The following PTPRD variants were observed in gnomAD, a reference collection of about 807,000 sequenced individuals.
PTPRD encodes receptor-type tyrosine-protein phosphatase delta.
PTPRD carries 34 observed loss-of-function variants against 214.5 expected under a neutral mutation model. That is an observed-to-expected ratio of 0.16 (90% CI 0.12 to 0.21). The LOEUF (loss-of-function observed/expected upper bound fraction) is 0.21. PTPRD is among the 10% of genes least tolerant of loss of function. The pLI, the probability that PTPRD is intolerant of heterozygous loss-of-function variation, is 1.00. For missense variants in PTPRD, 2,545 were observed against 2,398.7 expected (o/e 1.06, Z -1.27); for synonymous variants, 1,128 against 845.7 (o/e 1.33, Z -5.79).
At chr9:9,440,466 G>A (rs993544679) in intron 8 of PTPRD, among the ~76,000 whole-genome samples, 4 of 152,152 alleles carry the variant, frequency 2.6e-5, no homozygotes, top group Non-Finnish European at 4.4e-5. Flanking sequence ...TACAAAGAGG[G>A]TGTCTAGGAG....
intron 7 of PTPRD, among the ~76,000 whole-genome samples, chr9:9,723,175 T>C (rs1333377972): frequency 6.6e-6 from 1 of 152,084 alleles, no homozygotes; most frequent in African/African-American, 2.4e-5. Flanking sequence ...AGGCCTGTGA[T>C]CTATTTTGAG....
rs1564421899 is a variant in PTPRD, at chr9:10,190,409, AAAAAAAAAAAAC to A, written c.-545+150542_-545+150553del. On this transcript the variant is annotated intron_variant, in intron 3 of 45. Transcript: ENST00000381196. ...CAGAAAAAAAAAAAAAAAAAAAAAA[AAAAAAAAAAAAC>A]AAAAAGTCAAAGTGGGCCAGGCGCT... is the stretch of plus-strand genomic sequence containing the variant. 3.2e-4 allele frequency among the ~76,000 whole-genome samples: 31 copies of A among 95,588 alleles called. 3 individuals are homozygous for A. Among genetic ancestry groups the A allele is most frequent in the African/African-American group, 1.3e-3 (24 of 17,778 alleles). The allele number at this position is 95,588 out of a possible 152,430, so 62.7% of individuals were successfully genotyped here. A position where few individuals can be genotyped will look rare whatever the true frequency, so the allele number is the denominator to read the frequency against.
At chr9:9,141,386 A>C (rs2154481049) in intron 10 of PTPRD, among the ~76,000 whole-genome samples, 1 of 152,094 alleles carries the variant, frequency 6.6e-6, no homozygotes, top group Middle Eastern at 3.4e-3. Flanking sequence ...AATGCAGTGA[A>C]ATTGTTGGGT....
chr9:10,584,182 C>CAA (rs5896405), intron 2 of PTPRD, among the ~76,000 whole-genome samples: 6 of 124,298 alleles, frequency 4.8e-5, no homozygotes, highest in African/African-American at 1.2e-4. Context: ...ATGACAATTA[C>CAA]AAAAAAAAAA....
At chr9:10,281,643 G>A (rs567932331) in intron 3 of PTPRD, among the ~76,000 whole-genome samples, 39 of 152,162 alleles carry the variant, frequency 2.6e-4, no homozygotes, top group African/African-American at 8.7e-4. Context: ...GACTGAGCTA[G>A]TAATAGACCA....
At chr9:9,690,225 T>C (rs7873837) in intron 7 of PTPRD, among the ~76,000 whole-genome samples, 60,329 of 151,660 alleles carry the variant, frequency 0.4, 12,172 homozygotes, top group Admixed American at 0.51. Flanking sequence ...GATTTGTATT[T>C]CTCTGATGAT....
At chr9:8,529,579 C>T (rs2075143396) in intron 14 of PTPRD, among the ~76,000 whole-genome samples, 1 of 152,120 alleles carries the variant, frequency 6.6e-6, no homozygotes, top group Non-Finnish European at 1.5e-5. Context: ...GCAAAATTCA[C>T]TTTTTGCTAC....
intron 11 of PTPRD, among the ~76,000 whole-genome samples, chr9:8,892,364 G>A (rs1389349690): frequency 3.9e-5 from 6 of 152,052 alleles, no homozygotes; most frequent in Non-Finnish European, 7.4e-5. Context: ...GTTAGAACTG[G>A]AAGGGACTCC....
intron 2 of PTPRD, among the ~76,000 whole-genome samples, chr9:10,525,616 C>A (rs556993717): frequency 6.6e-6 from 1 of 152,166 alleles, no homozygotes; most frequent in Admixed American, 6.5e-5. Context: ...GAAATAAACT[C>A]ATTTAGAAAT....
rs148462773 is a variant in PTPRD, at chr9:10,610,473, T to C, written c.-600+1925A>G. ...GAACCACTGTTAAATTTGCCCTACTTAGGTACAATCTTCCCCTTTATTTTT... is the reference window on the plus strand; with the variant it reads ...GAACCACTGTTAAATTTGCCCTACTCAGGTACAATCTTCCCCTTTATTTTT... On this transcript the variant is annotated intron_variant, in intron 2 of 45. Coordinates refer to ENST00000381196, the MANE Select transcript of PTPRD (RefSeq NM_002839.4). 9.0e-3 allele frequency among the ~76,000 whole-genome samples: 1,366 copies of C among 152,062 alleles called. 25 individuals are homozygous for C. The highest frequency in any genetic ancestry group is 0.031 in the African/African-American group (1,279 of 41,514).
chr9:10,174,730 C>A (rs570434438), intron 3 of PTPRD, among the ~76,000 whole-genome samples: 2 of 151,702 alleles, frequency 1.3e-5, no homozygotes, highest in African/African-American at 4.8e-5. Flanking sequence ...CAGATGCCTA[C>A]GGTAATTTCA....
intron 7 of PTPRD, among the ~76,000 whole-genome samples, chr9:9,639,422 C>T (rs1337554590): frequency 6.6e-6 from 1 of 152,156 alleles, no homozygotes; most frequent in Non-Finnish European, 1.5e-5. Flanking sequence ...TTCTTATTAT[C>T]CATGTGGCCA....
At chr9:10,167,710 G>A (rs554991435) in intron 3 of PTPRD, among the ~76,000 whole-genome samples, 1 of 152,224 alleles carries the variant, frequency 6.6e-6, no homozygotes, top group African/African-American at 2.4e-5. Context: ...TTCCCAGGAA[G>A]CTAGATAAAG....
chr9:9,384,030 C>T (rs564831161), intron 9 of PTPRD, among the ~76,000 whole-genome samples: 11 of 151,752 alleles, frequency 7.2e-5, no homozygotes, highest in South Asian at 2.1e-4. Flanking sequence ...AACCTATATA[C>T]GAGATACAGT....
chr9:10,101,199 G>T (rs1291077079), intron 3 of PTPRD, among the ~76,000 whole-genome samples: 1 of 151,650 alleles, frequency 6.6e-6, no homozygotes, highest in Non-Finnish European at 1.5e-5. Flanking sequence ...CCAAGAAGCA[G>T]AGGAGGTGTT....
chr9:8,845,641 A>C (rs923939770), intron 11 of PTPRD, among the ~76,000 whole-genome samples: 2 of 152,342 alleles, frequency 1.3e-5, no homozygotes, highest in South Asian at 4.1e-4. Context: ...AGATACTGCA[A>C]ATCCTAGTGT....
chr9:10,308,372 A>T (rs80225487), intron 3 of PTPRD, among the ~76,000 whole-genome samples: 3,182 of 152,156 alleles, frequency 0.021, 126 homozygotes, highest in African/African-American at 0.072. Flanking sequence ...ATTTGGCTAT[A>T]AATACATAAA....
chr9:9,030,132 T>A (rs1234878902), intron 10 of PTPRD, among the ~76,000 whole-genome samples: 1 of 151,826 alleles, frequency 6.6e-6, no homozygotes, highest in Middle Eastern at 3.2e-3. Context: ...ACAGGAAATC[T>A]ATGAAAGGAT....
chr9:8,972,557 G>A (rs956916935), intron 11 of PTPRD, among the ~76,000 whole-genome samples: 1 of 151,730 alleles, frequency 6.6e-6, no homozygotes, highest in African/African-American at 2.4e-5. Flanking sequence ...AAGAATGAAA[G>A]AAAAGAACAA....
Sources: gnomAD v4.1 joint callset for allele counts (sites outside exome capture counted in the v4.1 genomes callset) on GRCh38, gnomAD v4.1.1 for gene constraint, MANE v1.5 for transcripts, NCBI Gene and HGNC (gene_info 2026-07-23, HGNC 2026-07-21) for gene names.